Variants in CFAP97 observed in about 807,000 individuals in gnomAD.
CFAP97 encodes cilia and flagella associated protein 97.
In CFAP97, 36 loss-of-function variants were observed where a neutral mutation model predicts 43.1. The ratio of observed to expected loss-of-function variants is 0.84; its 90% confidence interval spans 0.64 to 1.10. CFAP97 has a LOEUF of 1.10. CFAP97 is among the 50% of genes least tolerant of loss of function. The pLI is 0.00. For missense variants in CFAP97, 657 were observed against 620.3 expected (o/e 1.06, Z -0.63); for synonymous variants, 228 against 225.7 (o/e 1.01, Z -0.09).
intron 2 of CFAP97, among the ~76,000 whole-genome samples, chr4:185,189,929 G>C (rs1736156652): frequency 6.6e-6 from 1 of 152,040 alleles, no homozygotes. Flanking sequence ...AATAAAATTT[G>C]TATTATACAA....
intron 3 of CFAP97, among the ~76,000 whole-genome samples, chr4:185,170,962 C>A (rs1173377742): frequency 1.8e-5 from 2 of 111,022 alleles, no homozygotes; most frequent in African/African-American, 6.8e-5. Flanking sequence ...CCAGCCTGGG[C>A]GACAAAGCAA....
intron 2 of CFAP97, among the ~76,000 whole-genome samples, chr4:185,188,060 C>T (rs528504364): frequency 6.6e-6 from 1 of 152,006 alleles, no homozygotes; most frequent in African/African-American, 2.4e-5. Context: ...CCACGCCCAG[C>T]TAATTTTTGT....
At position 185,191,214 on chromosome 4, in the gene CFAP97, T is replaced by TG. The variant is rs765115934; in HGVS notation, c.-16-3dup. ...TGATCCATGATGGCAAAAATATATCTGAAAAAAAAATGTAAACATCAGACT... is the reference window on the plus strand; with the variant it reads ...TGATCCATGATGGCAAAAATATATCTGGAAAAAAAAATGTAAACATCAGACT... On this transcript the variant is annotated splice_region_variant and splice_polypyrimidine_tract_variant and intron_variant, in intron 1 of 4. Transcript: ENST00000458385. 19 of 1,416,876 alleles carry TG rather than the reference T, an allele frequency of 1.3e-5. No homozygotes were observed. The highest frequency in any genetic ancestry group is 1.8e-5 in the Non-Finnish European group (19 of 1,083,276). The allele number at this position is 1,416,876 out of a possible 1,614,324, so 87.8% of individuals were successfully genotyped here.
rs1347395403 is a variant in CFAP97, at chr4:185,209,231, C to A, written c.-74+94G>T. 2 of 152,204 alleles carry A rather than the reference C, an allele frequency of 1.3e-5. No homozygotes were observed. Among genetic ancestry groups the A allele is most frequent in the African/African-American group, 4.8e-5 (2 of 41,430 alleles). The allele number at this position is 152,204 out of a possible 1,614,324, so 9.4% of individuals were successfully genotyped here. ...CGGGAACGGTTGCCTATTTAAATAG[C>A]GAGTGAAAACCAGGCAGAAATGTTT... On this transcript the variant is annotated intron_variant, in intron 1 of 2. Coordinates refer to the CFAP97 transcript ENST00000503223. The surrounding 1 kb of genome is among the most constrained non-coding windows in gnomAD (Gnocchi z 5.2).
chr4:185,207,206 C>T (rs1253306107), upstream of CFAP97, among the ~76,000 whole-genome samples: 2 of 140,268 alleles, frequency 1.4e-5, no homozygotes, highest in African/African-American at 5.2e-5. Context: ...TTTAACCAGT[C>T]ACACTTTTTT....
upstream of CFAP97, among the ~76,000 whole-genome samples, chr4:185,207,393 T>A (rs531863874): frequency 9.2e-5 from 14 of 152,032 alleles, no homozygotes; most frequent in African/African-American, 3.1e-4. Flanking sequence ...ATTTTTTGTA[T>A]TTTTAGTAGA....
At chr4:185,196,328 G>A (rs918065935) in intron 1 of CFAP97, among the ~76,000 whole-genome samples, 16 of 152,172 alleles carry the variant, frequency 1.1e-4, no homozygotes, top group African/African-American at 3.6e-4. Context: ...TAAAAAATTA[G>A]CTGGGTGTGG....
intron 3 of CFAP97, among the ~76,000 whole-genome samples, chr4:185,165,144 A>G (rs1207988565): frequency 2.0e-5 from 3 of 152,228 alleles, no homozygotes; most frequent in Non-Finnish European, 2.9e-5. Context: ...TATAGAATAT[A>G]AAGTTTTTAA....
chr4:185,186,053 G>A (rs1560866460), intron 2 of CFAP97, among the ~76,000 whole-genome samples: 1 of 152,250 alleles, frequency 6.6e-6, no homozygotes, highest in South Asian at 2.1e-4. Flanking sequence ...AGATCAATAT[G>A]TTTTAACATA....
intron 1 of CFAP97, among the ~76,000 whole-genome samples, chr4:185,201,325 C>CA (rs61563241): frequency 0.8 from 101,578 of 127,690 alleles, 40,778 homozygotes; most frequent in Middle Eastern, 0.84. Context: ...GACTCCGCCT[C>CA]AAAAAAAAAA....
chr4:185,190,491 T>C lies in CFAP97; in HGVS notation c.706A>G (p.Ser236Gly), dbSNP rs758725018. The C allele has an allele frequency of 2.8e-5, 45 of 1,613,870 alleles. No individual in the cohort carries two copies. Among genetic ancestry groups the C allele is most frequent in the Non-Finnish European group, 3.8e-5 (45 of 1,179,876 alleles). ...GIKSTETQPS[S>G]TTPKCGHYPE... ...TAGTGGCCACATTTTGGTGTAGTAC[T>C]TGAAGGCTGTGTTTCTGTCGATTTT... is the stretch of plus-strand genomic sequence containing the variant. The change falls in exon 2 of 5, where the codon AGT becomes GGT. Residue 236 changes from serine to glycine, a missense_variant. Physicochemically the swap from Ser to Gly is moderately conservative, Grantham distance 56. Transcript: ENST00000458385.
chr4:185,162,680 T>C lies in CFAP97; in HGVS notation c.*118A>G. On this transcript the variant is annotated 3_prime_UTR_variant, in exon 5 of 5. Transcript: ENST00000458385. The stretch of plus-strand genomic sequence containing the variant: ...TGAATAACAATACATTACAACTCAC[T>C]GTTGTACACCTTCAATTGCTAAAAC... 1.9e-6 allele frequency: 2 copies of C among 1,076,196 alleles called. No individual in the cohort carries two copies. The highest frequency in any genetic ancestry group is 2.7e-6 in the Non-Finnish European group (2 of 739,416). 66.7% of individuals were successfully genotyped at this position (1,076,196 alleles called of 1,614,324 possible).
chr4:185,185,178 G>A (rs1735958900), intron 2 of CFAP97, among the ~76,000 whole-genome samples: 2 of 151,736 alleles, frequency 1.3e-5, no homozygotes, highest in Admixed American at 6.6e-5. Flanking sequence ...TTTGCCCCAA[G>A]AAATGAGTGC....
At chr4:185,206,250 T>G (rs1233522139), upstream of CFAP97, among the ~76,000 whole-genome samples, 1 of 152,228 alleles carries the variant, frequency 6.6e-6, no homozygotes, top group Non-Finnish European at 1.5e-5. Context: ...AAAACTCAAG[T>G]GTTTGTTTAT....
chr4:185,187,759 A>C (rs6816199), intron 2 of CFAP97, among the ~76,000 whole-genome samples: 76,016 of 150,716 alleles, frequency 0.5, 19,521 homozygotes, highest in African/African-American at 0.61. Context: ...ACTAGACCAA[A>C]TGCATCAGAA....
At chr4:185,174,912 A>G (rs144354519) in intron 3 of CFAP97, among the ~76,000 whole-genome samples, 1 of 152,260 alleles carries the variant, frequency 6.6e-6, no homozygotes, top group South Asian at 2.1e-4. Context: ...AATATGCTAT[A>G]ATAGTTTTAA....
At chr4:185,207,199 A>C (rs1328568304), upstream of CFAP97, among the ~76,000 whole-genome samples, 1 of 149,432 alleles carries the variant, frequency 6.7e-6, no homozygotes, top group Non-Finnish European at 1.5e-5. Flanking sequence ...ACCTAAATTT[A>C]ACCAGTCACA....
intron 2 of CFAP97, among the ~76,000 whole-genome samples, chr4:185,177,335 C>T (rs1451502756): frequency 6.6e-6 from 1 of 151,786 alleles, no homozygotes; most frequent in Admixed American, 6.6e-5. Flanking sequence ...ATTGCTTGAA[C>T]CCAGGAGGCA....
intron 4 of CFAP97, 43 bp downstream of exon 4, chr4:185,163,986 T>G (rs1331028346): frequency 9.0e-6 from 14 of 1,555,982 alleles, no homozygotes; most frequent in Non-Finnish European, 1.2e-5. Flanking sequence ...AAAAAAAGGA[T>G]ACAAGATACA....
Sources: gnomAD v4.1 joint callset for allele counts (sites outside exome capture counted in the v4.1 genomes callset) on GRCh38, gnomAD v4.1.1 for gene constraint, Gnocchi (gnomAD v3.1) non-coding constraint, MANE v1.5 for transcripts, NCBI Gene and HGNC (gene_info 2026-07-23, HGNC 2026-07-21) for gene names.